The following TTC39C variants were observed in gnomAD, a reference collection of about 807,000 sequenced individuals.
TTC39C encodes the protein tetratricopeptide repeat protein 39C.
A neutral mutation model predicts 76.3 loss-of-function variants in TTC39C; 33 were observed. That is an observed-to-expected ratio of 0.43 (90% CI 0.33 to 0.58). TTC39C has a LOEUF of 0.58. TTC39C is among the 20% of genes least tolerant of loss of function. The probability of loss-of-function intolerance (pLI) is 0.04; values close to 1 mark genes in which losing one functional copy is unlikely to be tolerated. For missense variants in TTC39C, 595 were observed against 701.4 expected (o/e 0.85, Z 1.71); for synonymous variants, 254 against 260.6 (o/e 0.97, Z 0.24).
At chr18:24,018,463 A>C (rs745375076) in intron 1 of TTC39C, among the ~76,000 whole-genome samples, 2 of 152,192 alleles carry the variant, frequency 1.3e-5, no homozygotes, top group Admixed American at 6.5e-5. Context: ...GCTCAGGCAC[A>C]TAAGACAGGC....
chr18:24,009,772 A>G (rs949826788), upstream of TTC39C, among the ~76,000 whole-genome samples: 1 of 152,240 alleles, frequency 6.6e-6, no homozygotes, highest in African/African-American at 2.4e-5. Context: ...GCAGCAGAAC[A>G]ATGATCTCTA....
At chr18:24,132,424 CACAGT>C in intron 13 of TTC39C, 56 bp from the exon 14 acceptor site, 1 of 1,478,892 alleles carries the variant, frequency 6.8e-7, no homozygotes, top group Non-Finnish European at 9.4e-7. Flanking sequence ...TGCTTTATAC[CACAGT>C]ACCCTGTGCA....
chr18:24,132,738 A>C lies in TTC39C; in HGVS notation c.*164A>C. 1 of 519,324 alleles carries C rather than the reference A, an allele frequency of 1.9e-6. No individual in the cohort carries two copies. 32.2% of individuals were successfully genotyped at this position (519,324 alleles called of 1,614,324 possible). On this transcript the variant is annotated 3_prime_UTR_variant, in exon 14 of 14. Transcript: ENST00000317571. ...GACATATTAAAGATCTCCTCTTTTAAACATGTAGCTGAAAAGTAATAATGA... is the reference window on the plus strand; with the variant it reads ...GACATATTAAAGATCTCCTCTTTTACACATGTAGCTGAAAAGTAATAATGA...
At chr18:24,091,985 C>T (rs535988009) in intron 6 of TTC39C, among the ~76,000 whole-genome samples, 4 of 147,994 alleles carry the variant, frequency 2.7e-5, no homozygotes, top group East Asian at 2.1e-4. Flanking sequence ...CCCAGCTACT[C>T]GGGAGGCTGA....
intron 11 of TTC39C, 89 bp from the exon 12 acceptor site, chr18:24,130,224 C>T: frequency 1.7e-6 from 1 of 579,920 alleles, no homozygotes; most frequent in Non-Finnish European, 3.0e-6. Context: ...GAGTATGAGT[C>T]CCCCTTCCCG....
chr18:24,103,931 GTTT>G (rs59092787), intron 6 of TTC39C, among the ~76,000 whole-genome samples: 1 of 138,350 alleles, frequency 7.2e-6, no homozygotes, highest in Non-Finnish European at 1.5e-5. Context: ...TTCTCTCTCT[GTTT>G]TTTTTTTTTT....
intron 6 of TTC39C, among the ~76,000 whole-genome samples, chr18:24,093,725 G>T (rs1320685216): frequency 2.6e-5 from 4 of 152,182 alleles, no homozygotes; most frequent in Non-Finnish European, 5.9e-5. Context: ...ACATTGCACT[G>T]TAGTCTGTTA....
chr18:24,126,426 T>TAA lies in TTC39C; in HGVS notation c.1420+897_1420+898dup, dbSNP rs35976434. On this transcript the variant is annotated intron_variant, in intron 10 of 13. Transcript: ENST00000317571. ...TGCAAATCCCTTTTGCCTATTTCTT[T>TAA]AAAAAAAAAAAAAAAAAAAAAAGGC... 9.9e-4 allele frequency among the ~76,000 whole-genome samples: 109 copies of TAA among 110,026 alleles called. 2 individuals carry two copies. In the East Asian group the frequency reaches 0.013, roughly 13 times the overall value. The allele number at this position is 110,026 out of a possible 152,430, so 72.2% of individuals were successfully genotyped here.
At chr18:24,016,711 A>G (rs1012639105) in intron 1 of TTC39C, 3 of 398,490 alleles carry the variant, frequency 7.5e-6, no homozygotes, top group African/African-American at 6.2e-5. Context: ...AACAGCAGAG[A>G]GATGCCCCTT....
intron 1 of TTC39C, among the ~76,000 whole-genome samples, chr18:24,054,647 A>C (rs2083994184): frequency 6.6e-6 from 1 of 152,196 alleles, no homozygotes; most frequent in South Asian, 2.1e-4. Context: ...TCTATCAAAA[A>C]ACATTTTTAG....
chr18:24,082,839 T>C lies in TTC39C; in HGVS notation c.816-74T>C, dbSNP rs370312440. On this transcript the variant is annotated intron_variant, in intron 5 of 13. Transcript: ENST00000317571. ...GATAGAGTAGTATTGGAAGAACACA[T>C]ACTGGAGTTTTGAAAAATGGAAATG... is the stretch of plus-strand genomic sequence containing the variant. The C allele has an allele frequency of 1.5e-4, 218 of 1,457,678 alleles. 2 individuals carry two copies. The East Asian group carries it at 2.9e-3, about 20-fold the overall frequency. 90.3% of individuals were successfully genotyped at this position (1,457,678 alleles called of 1,614,324 possible). A position where few individuals can be genotyped will look rare whatever the true frequency, so the allele number is the denominator to read the frequency against.
chr18:24,032,524 G>C (rs1410148656), intron 1 of TTC39C, among the ~76,000 whole-genome samples: 1 of 152,196 alleles, frequency 6.6e-6, no homozygotes, highest in East Asian at 1.9e-4. Flanking sequence ...TGGGACCGAA[G>C]TCTAAACACA....
intron 1 of TTC39C, among the ~76,000 whole-genome samples, chr18:24,037,569 A>G (rs979755359): frequency 3.0e-4 from 46 of 152,332 alleles, no homozygotes; most frequent in African/African-American, 8.7e-4. Context: ...AGAGTCTCAG[A>G]TAGACCATCT....
In TTC39C at chr18:24,107,286, A is replaced by AAC. The variant is rs10609672; in HGVS notation, c.985-7245_985-7244dup. 8.6e-3 allele frequency among the ~76,000 whole-genome samples: 1,291 copies of AAC among 150,654 alleles called. 4 individuals are homozygous for AAC. The highest frequency in any genetic ancestry group is 0.014 in the Middle Eastern group (4 of 288). ...TCTCTTAGGCCTTTCATCCTTCTCT[A>AAC]ACACACACACACACACACACACACG... On this transcript the variant is annotated intron_variant, in intron 6 of 13. Coordinates refer to ENST00000317571, the MANE Select transcript of TTC39C (RefSeq NM_001135993.2).
At chr18:24,046,051 G>T (rs1277766423) in intron 1 of TTC39C, among the ~76,000 whole-genome samples, 1 of 143,026 alleles carries the variant, frequency 7.0e-6, no homozygotes, top group South Asian at 2.3e-4. Flanking sequence ...CCATTCTCCT[G>T]TCTCAGCCTC....
intron 6 of TTC39C, among the ~76,000 whole-genome samples, chr18:24,090,797 C>CT (rs1218689781): frequency 0.019 from 1,480 of 79,578 alleles, 147 homozygotes; most frequent in Non-Finnish European, 0.026. Flanking sequence ...GATTAATTTA[C>CT]TTTTTTTTTT....
At chr18:24,108,711 CCATCCCTTTATAGTACATGGTTTAT>C (rs2084776239) in intron 6 of TTC39C, among the ~76,000 whole-genome samples, 1 of 152,132 alleles carries the variant, frequency 6.6e-6, no homozygotes, top group South Asian at 2.1e-4. Flanking sequence ...GTTAGTTGCT[CCATCCCTTTATAGTACATGGTTTAT>C]TTCTTTTTGT....
At chr18:24,125,591 A>G (rs777229270) in intron 10 of TTC39C, 41 bp downstream of exon 10, 30 of 1,611,294 alleles carry the variant, frequency 1.9e-5, no homozygotes, top group Non-Finnish European at 2.4e-5. Flanking sequence ...TACTGGACAC[A>G]CTGGCTTCTT....
At chr18:24,049,089 A>G (rs1048092758) in intron 1 of TTC39C, among the ~76,000 whole-genome samples, 2 of 152,222 alleles carry the variant, frequency 1.3e-5, no homozygotes, top group African/African-American at 4.8e-5. Flanking sequence ...AGCATTCTAC[A>G]GGTGGACAAT....
Sources: gnomAD v4.1 joint callset for allele counts (sites outside exome capture counted in the v4.1 genomes callset) on GRCh38, gnomAD v4.1.1 for gene constraint, MANE v1.5 for transcripts, NCBI Gene and HGNC (gene_info 2026-07-23, HGNC 2026-07-21) for gene names.